The following GXYLT1 variants were observed in gnomAD, a reference collection of about 807,000 sequenced individuals.
The protein encoded by GXYLT1 is glucoside xylosyltransferase 1, also known as glycosyltransferase 8 domain containing 3.
In GXYLT1, 29 loss-of-function variants were observed where a neutral mutation model predicts 54.0. That is an observed-to-expected ratio of 0.54 (90% CI 0.40 to 0.73). The LOEUF is 0.73. Ranked by LOEUF, GXYLT1 falls within the 30% of genes least tolerant of loss-of-function variation. The pLI is 0.00. For missense variants in GXYLT1, 490 were observed against 553.4 expected, an observed-to-expected ratio of 0.89 and a Z score of 1.15; for synonymous variants, 176 against 204.1, an observed-to-expected ratio of 0.86 and a Z score of 1.17.
intron 1 of GXYLT1, among the ~76,000 whole-genome samples, chr12:42,130,812 T>C (rs2065589643): frequency 6.6e-6 from 1 of 152,114 alleles, no homozygotes; most frequent in East Asian, 1.9e-4. Flanking sequence ...CTGGACATGG[T>C]GGCATTTACC....
Position 42,082,157 on chromosome 12 carries a change from A to T in GXYLT1, c.*5629T>A, listed in dbSNP as rs2065257872. The stretch of plus-strand genomic sequence containing the variant: ...AGGTTTAGAACTATTACTACTCAAA[A>T]TATTAATACATTTATGCAAAATGAT... On this transcript the variant is annotated 3_prime_UTR_variant, in exon 8 of 8. Coordinates refer to ENST00000398675, the MANE Select transcript of GXYLT1 (RefSeq NM_173601.2). 6.6e-6 allele frequency: 1 copy of T among 152,214 alleles called. No individual in the cohort carries two copies. The highest frequency in any genetic ancestry group is 1.5e-5 in the Non-Finnish European group (1 of 68,034). The allele number at this position is 152,214 out of a possible 1,614,324, so 9.4% of individuals were successfully genotyped here. A position where few individuals can be genotyped will look rare whatever the true frequency, so the allele number is the denominator to read the frequency against.
At position 42,083,039 on chromosome 12, in the gene GXYLT1, T is replaced by C. The variant is rs1213872568; in HGVS notation, c.*4747A>G. 2.0e-5 allele frequency: 3 copies of C among 152,236 alleles called. No individual in the cohort carries two copies. The highest frequency in any genetic ancestry group is 4.4e-5 in the Non-Finnish European group (3 of 68,038). 9.4% of individuals were successfully genotyped at this position (152,236 alleles called of 1,614,324 possible). On this transcript the variant is annotated 3_prime_UTR_variant, in exon 8 of 8. Coordinates refer to ENST00000398675, the MANE Select transcript of GXYLT1 (RefSeq NM_173601.2). ...AAGTCCCATTAAACATCTGAAATTATTGGTAGAAATGAGGTGATAATAAAT... is the reference window on the plus strand; with the variant it reads ...AAGTCCCATTAAACATCTGAAATTACTGGTAGAAATGAGGTGATAATAAAT...
chr12:42,109,693 TA>T lies in GXYLT1; in HGVS notation c.487-3del. The T allele has an allele frequency of 6.8e-7, 1 of 1,461,394 alleles. No individual in the cohort carries two copies. The highest frequency in any genetic ancestry group is 9.4e-7 in the Non-Finnish European group (1 of 1,069,316). The allele number at this position is 1,461,394 out of a possible 1,614,324, so 90.5% of individuals were successfully genotyped here. A position where few individuals can be genotyped will look rare whatever the true frequency, so the allele number is the denominator to read the frequency against. ...TTGTAGAAATGACCAGTTGTCAAGC[TA>T]AAACAATTTAAAAAAAAACTGTTTA... On this transcript the variant is annotated splice_region_variant and splice_polypyrimidine_tract_variant and intron_variant, in intron 3 of 7. Coordinates refer to ENST00000398675, the MANE Select transcript of GXYLT1 (RefSeq NM_173601.2).
intron 7 of GXYLT1, among the ~76,000 whole-genome samples, 199 bp from the exon 8 acceptor site, chr12:42,088,146 TA>T (rs2065308217): frequency 1.3e-5 from 2 of 151,974 alleles, no homozygotes; most frequent in South Asian, 2.1e-4. Flanking sequence ...ACAGCCATGG[TA>T]AATCTCCGGG....
chr12:42,129,461 G>A (rs1014274119), intron 2 of GXYLT1, among the ~76,000 whole-genome samples: 1 of 152,018 alleles, frequency 6.6e-6, no homozygotes, highest in Non-Finnish European at 1.5e-5. Flanking sequence ...GTCAGTAGAA[G>A]CCTATTTTTA....
At chr12:42,124,074 T>A (rs1271736228) in intron 2 of GXYLT1, among the ~76,000 whole-genome samples, 1 of 151,218 alleles carries the variant, frequency 6.6e-6, no homozygotes, top group African/African-American at 2.4e-5. Context: ...ATATAAAGCA[T>A]TAAAAAAATC....
Position 42,128,524 on chromosome 12 carries a change from G to A in GXYLT1, c.314+1235C>T, listed in dbSNP as rs557803266. On this transcript the variant is annotated intron_variant, in intron 2 of 7. Coordinates refer to ENST00000398675, the MANE Select transcript of GXYLT1 (RefSeq NM_173601.2). ...CTCCAAGTCTTCCCTGATGCTTTAA[G>A]ATGACTCATCATAGCAACAACTTGT... 7.9e-5 allele frequency among the ~76,000 whole-genome samples: 12 copies of A among 152,154 alleles called. 1 individual carries two copies. The South Asian group carries it at 2.5e-3, about 32-fold the overall frequency.
In GXYLT1 at chr12:42,097,525, TTCC is replaced by T. The variant is rs141417516; in HGVS notation, c.1075_1077del (p.Gly359del). ...CCTCTGTTCCCATGAAGAATAAAGA[TTCC>T]TCCTTCTTCTGCTTCTTGGCAATTG... is the stretch of plus-strand genomic sequence containing the variant. On this transcript the variant is annotated inframe_deletion, in exon 7 of 8. Coordinates refer to ENST00000398675, the MANE Select transcript of GXYLT1 (RefSeq NM_173601.2). 1 of 1,611,264 alleles carries T rather than the reference TTCC, an allele frequency of 6.2e-7. No individual in the cohort carries two copies.
chr12:42,084,302 C>A lies in GXYLT1; in HGVS notation c.*3484G>T, dbSNP rs2065273191. The A allele has an allele frequency of 2.0e-5, 3 of 152,420 alleles. No homozygotes were observed. Among genetic ancestry groups the A allele is most frequent in the Admixed American group, 2.0e-4 (3 of 15,292 alleles). 9.4% of individuals were successfully genotyped at this position (152,420 alleles called of 1,614,324 possible). ...TTCTCTTTCCTCACCCCTTTTCTCA[C>A]TTCCTCTCTTTTCCTTCTTTTTTGA... On this transcript the variant is annotated 3_prime_UTR_variant, in exon 8 of 8. Coordinates refer to ENST00000398675, the MANE Select transcript of GXYLT1 (RefSeq NM_173601.2).
At chr12:42,112,732 G>A (rs2065466444) in intron 3 of GXYLT1, among the ~76,000 whole-genome samples, 1 of 151,572 alleles carries the variant, frequency 6.6e-6, no homozygotes, top group South Asian at 2.1e-4. Flanking sequence ...ATATTATCCA[G>A]CAGAACTTCC....
At chr12:42,117,995 T>A (rs1484852915) in intron 3 of GXYLT1, among the ~76,000 whole-genome samples, 1 of 152,198 alleles carries the variant, frequency 6.6e-6, no homozygotes, top group Non-Finnish European at 1.5e-5. Flanking sequence ...GTAGTCATCA[T>A]GGACCATGAA....
At chr12:42,101,839 T>G (rs1273886284) in intron 5 of GXYLT1, among the ~76,000 whole-genome samples, 1 of 152,152 alleles carries the variant, frequency 6.6e-6, no homozygotes, top group Non-Finnish European at 1.5e-5. Flanking sequence ...CCCAAAGTGC[T>G]GGGATTACAG....
chr12:42,118,921 G>T, intron 3 of GXYLT1, 79 bp downstream of exon 3: 1 of 1,071,346 alleles, frequency 9.3e-7, no homozygotes, highest in Non-Finnish European at 1.3e-6. Context: ...AATGTGAACA[G>T]ACTATTACAA....
rs2065401161 is a variant in GXYLT1, at chr12:42,103,352, A to C, written c.864+2466T>G. ...GAACCAGGTGACAGCAAGGCAAATA[A>C]ATAAACTATGACCTTTGTCCTAAAT... On this transcript the variant is annotated intron_variant, in intron 5 of 7. Coordinates refer to ENST00000398675, the MANE Select transcript of GXYLT1 (RefSeq NM_173601.2). Among the ~76,000 whole-genome samples the C allele has an allele frequency of 3.3e-5, 5 of 152,340 alleles. No individual in the cohort carries two copies. In the South Asian group the frequency reaches 1.0e-3, roughly 32 times the overall value.
chr12:42,108,511 A>G (rs1368836085), intron 4 of GXYLT1, among the ~76,000 whole-genome samples: 1 of 152,216 alleles, frequency 6.6e-6, no homozygotes, highest in Non-Finnish European at 1.5e-5. Flanking sequence ...GTCATTCAAT[A>G]TAAAACTTAT....
In GXYLT1 at chr12:42,119,100, T is replaced by A. The variant is rs755419275; in HGVS notation, c.386A>T (p.Glu129Val). Reference sequence around the variant, plus strand: ...AGCTGACTTCAACATGGTCATAGTTTCTTCCAGTCTTTCACCACAGGCAAC... The same window carrying A: ...AGCTGACTTCAACATGGTCATAGTTACTTCCAGTCTTTCACCACAGGCAAC... ...AVVACGERLEETMTMLKSAII... is the reference protein window; with the variant it reads ...AVVACGERLEVTMTMLKSAII... The change falls in exon 3 of 8, where the codon GAA (glutamate) becomes GTA (valine). Residue 129 changes from glutamate to valine, a missense_variant. Physicochemically the swap from Glu to Val is moderately radical, Grantham distance 121 (BLOSUM62 -2). This residue lies in a region of GXYLT1 where 148 missense variants were observed against 210.7 expected (regional missense o/e 0.70). Transcript: ENST00000398675. 4.0e-5 allele frequency: 65 copies of A among 1,613,710 alleles called. No homozygotes were observed. Among genetic ancestry groups the A allele is most frequent in the Non-Finnish European group, 5.4e-5 (64 of 1,179,666 alleles).
rs200311523 is a variant in GXYLT1, at chr12:42,087,695, T to C, written c.*91A>G. On this transcript the variant is annotated 3_prime_UTR_variant, in exon 8 of 8. Coordinates refer to ENST00000398675, the MANE Select transcript of GXYLT1 (RefSeq NM_173601.2). ...AAAAAATTATTCTGGAGATGAGTAA[T>C]TCCTTCCTGAATACTTCATCCAAGA... 11 of 909,000 alleles carry C rather than the reference T, an allele frequency of 1.2e-5. No homozygotes were observed. The highest frequency in any genetic ancestry group is 1.1e-4 in the South Asian group (6 of 56,912). 56.3% of individuals were successfully genotyped at this position (909,000 alleles called of 1,614,324 possible).
chr12:42,097,731 G>A, intron 6 of GXYLT1, 117 bp from the exon 7 acceptor site: 1 of 1,107,534 alleles, frequency 9.0e-7, no homozygotes, highest in Non-Finnish European at 1.3e-6. Context: ...AATGAAAAAT[G>A]TCTGGCATTT....
At chr12:42,119,805 A>C (rs986132176) in intron 2 of GXYLT1, among the ~76,000 whole-genome samples, 3 of 152,212 alleles carry the variant, frequency 2.0e-5, no homozygotes, top group African/African-American at 7.2e-5. Context: ...GTCTCAAAAA[A>C]AAGAATGTAT....
Sources: allele counts gnomAD v4.1 joint callset (sites outside exome capture counted in the v4.1 genomes callset), GRCh38; gene constraint gnomAD v4.1.1; regional missense constraint gnomAD v4.1.1; transcripts MANE v1.5; gene names NCBI Gene and HGNC (gene_info 2026-07-23, HGNC 2026-07-21).